DAPK1: variants seen among roughly 807,000 people sequenced by gnomAD.
The protein encoded by DAPK1 is death-associated protein kinase 1.
A neutral mutation model predicts 144.9 loss-of-function variants in DAPK1; 56 were observed. That is an observed-to-expected ratio of 0.39 (90% confidence interval 0.31 to 0.48). DAPK1 has a LOEUF of 0.48. DAPK1 is among the 20% of genes least tolerant of loss of function. DAPK1 has a pLI of 0.95. For missense variants in DAPK1, 1,454 were observed against 1,875.4 expected (o/e 0.78, Z 4.15); for synonymous variants, 690 against 749.0 (o/e 0.92, Z 1.29).
At chr9:87,646,157 A>G (rs1429660570) in intron 12 of DAPK1, 143 bp downstream of exon 12, 62 of 1,048,400 alleles carry the variant, frequency 5.9e-5, no homozygotes, top group Non-Finnish European at 8.0e-5. Flanking sequence ...TTCTGTTTAG[A>G]AAGTGATTTG....
At chr9:87,545,954 C>T (rs1411230328) in intron 2 of DAPK1, among the ~76,000 whole-genome samples, 13 of 152,104 alleles carry the variant, frequency 8.5e-5, no homozygotes. Context: ...GTTGCATCCT[C>T]AGAAAGTGTA....
intron 3 of DAPK1, among the ~76,000 whole-genome samples, chr9:87,612,555 C>T (rs62576183): frequency 1.3e-5 from 2 of 152,190 alleles, no homozygotes; most frequent in Non-Finnish European, 2.9e-5. Context: ...TAAACCACCC[C>T]ATGTGTGGTC....
In DAPK1 at chr9:87,646,020, G is replaced by A. The variant is rs1407189486; in HGVS notation, c.1131+6G>A. On this transcript the variant is annotated splice_donor_region_variant and intron_variant, in intron 12 of 25. Transcript: ENST00000408954. ...ATGTTAACCAACCCAACAAGGTCTG[G>A]TTCTGTTCTGCCGCATACTGGAGGG... is the stretch of plus-strand genomic sequence containing the variant. The A allele has an allele frequency of 6.2e-7, 1 of 1,613,308 alleles. No homozygotes were observed. Among genetic ancestry groups the A allele is most frequent in the Admixed American group, 1.7e-5 (1 of 59,978 alleles).
intron 2 of DAPK1, among the ~76,000 whole-genome samples, chr9:87,598,561 A>G (rs1292217706): frequency 2.6e-5 from 4 of 152,152 alleles, no homozygotes; most frequent in Admixed American, 1.3e-4. Flanking sequence ...AGCAATGAAA[A>G]GGTTAGACCC....
At position 87,633,288 on chromosome 9, in the gene DAPK1, G is replaced by A. The variant is rs532432066; in HGVS notation, c.285-4655G>A. On this transcript the variant is annotated intron_variant, in intron 3 of 25. Transcript: ENST00000408954. ...GAAATGTAGGGATGAAGGGGGATGG[G>A]TATGTAGGGATGAAAGGGGATGTGT... 1.8e-5 allele frequency: 18 copies of A among 984,492 alleles called. No individual in the cohort carries two copies. In the African/African-American group the frequency reaches 3.1e-4, roughly 17 times the overall value. 61.0% of individuals were successfully genotyped at this position (984,492 alleles called of 1,614,324 possible). A position where few individuals can be genotyped will look rare whatever the true frequency, so the allele number is the denominator to read the frequency against.
intron 3 of DAPK1, among the ~76,000 whole-genome samples, chr9:87,631,687 G>A (rs1829696390): frequency 6.6e-6 from 1 of 152,152 alleles, no homozygotes; most frequent in Admixed American, 6.6e-5. Context: ...AAAAGTGCAA[G>A]GTTTTTTTAT....
At chr9:87,555,885 A>G (rs752580057) in intron 2 of DAPK1, among the ~76,000 whole-genome samples, 7 of 152,270 alleles carry the variant, frequency 4.6e-5, no homozygotes, top group Admixed American at 2.6e-4. Flanking sequence ...ACTAAAAGCT[A>G]GGCGAGTTCC....
chr9:87,648,820 C>A lies in DAPK1; in HGVS notation c.1369C>A (p.His457Asn). The A allele has an allele frequency of 6.2e-7, 1 of 1,614,246 alleles. No individual in the cohort carries two copies. The highest frequency in any genetic ancestry group is 1.1e-5 in the South Asian group (1 of 91,090). Residue 457 changes from histidine to asparagine, a missense_variant, in exon 15 of 26, where the codon CAT (histidine) becomes AAT (asparagine). Transcript: ENST00000408954. ...MALHVAARYG[H>N]ADVAQLLCSF... Reference sequence around the variant, plus strand: ...CCTCCACGTGGCAGCTCGCTATGGCCATGCTGACGTGGCTCAGTTACTGTG... The same window carrying A: ...CCTCCACGTGGCAGCTCGCTATGGCAATGCTGACGTGGCTCAGTTACTGTG...
chr9:87,653,834 C>T (rs1289119956), intron 17 of DAPK1, among the ~76,000 whole-genome samples: 1 of 152,082 alleles, frequency 6.6e-6, no homozygotes, highest in Non-Finnish European at 1.5e-5. Flanking sequence ...GCTGGGATTA[C>T]AGGCTCATGC....
intron 2 of DAPK1, among the ~76,000 whole-genome samples, chr9:87,588,623 T>A (rs1828017601): frequency 1.3e-5 from 2 of 152,154 alleles, no homozygotes; most frequent in African/African-American, 4.8e-5. Context: ...TCCTCTCAGA[T>A]TGTAGATACT....
At chr9:87,635,842 C>G (rs1268357679) in intron 3 of DAPK1, among the ~76,000 whole-genome samples, 1 of 152,174 alleles carries the variant, frequency 6.6e-6, no homozygotes, top group East Asian at 1.9e-4. Context: ...AGGCACTTGA[C>G]TTCTCCACAT....
chr9:87,600,554 C>T (rs1828479543), intron 2 of DAPK1, among the ~76,000 whole-genome samples: 1 of 152,076 alleles, frequency 6.6e-6, no homozygotes, highest in South Asian at 2.1e-4. Flanking sequence ...GATTGCATCA[C>T]CACACTACAG....
At chr9:87,558,130 ACAGTCCTGTCATCTTGC>A (rs1325146380) in intron 2 of DAPK1, among the ~76,000 whole-genome samples, 12 of 152,100 alleles carry the variant, frequency 7.9e-5, no homozygotes. Context: ...TTAGCTTGTC[ACAGTCCTGTCATCTTGC>A]CAGCCCCTTG....
Position 87,686,579 on chromosome 9 carries a change from A to C in DAPK1, c.2253A>C (p.Pro751=). ...CAGTGAGCATCAACAACCTGTACCC[A>C]GGCTGCGAGAACGTGAGTGTGAGGA... ...TVSVSINNLY[P]GCENVSVRSR... Residue 751 remains proline, a synonymous_variant, in exon 21 of 26, where the codon CCA becomes CCC. Coordinates refer to ENST00000408954, the MANE Select transcript of DAPK1 (RefSeq NM_004938.4). This position sits in a 1 kb window ranked among gnomAD's most constrained non-coding sequence, Gnocchi z 4.2. The C allele has an allele frequency of 6.3e-7, 1 of 1,582,960 alleles. No individual in the cohort carries two copies. The highest frequency in any genetic ancestry group is 8.6e-7 in the Non-Finnish European group (1 of 1,163,054).
intron 18 of DAPK1, among the ~76,000 whole-genome samples, chr9:87,660,785 C>T (rs905924129): frequency 6.6e-6 from 1 of 152,182 alleles, no homozygotes; most frequent in Non-Finnish European, 1.5e-5. Context: ...CCTCCATTTC[C>T]ATCCATGTTG....
intron 2 of DAPK1, among the ~76,000 whole-genome samples, chr9:87,519,236 G>A (rs1032447392): frequency 4.6e-5 from 7 of 152,162 alleles, no homozygotes; most frequent in East Asian, 3.9e-4. Flanking sequence ...GGCACCTCCC[G>A]CATGCACCAT....
intron 2 of DAPK1, among the ~76,000 whole-genome samples, chr9:87,561,952 C>T (rs114954065): frequency 0.017 from 2,577 of 152,204 alleles, 54 homozygotes; most frequent in African/African-American, 0.056. Flanking sequence ...TTTACTGGCC[C>T]CCTGAATGGG....
At chr9:87,583,479 G>C (rs1022456232) in intron 2 of DAPK1, among the ~76,000 whole-genome samples, 1 of 152,188 alleles carries the variant, frequency 6.6e-6, no homozygotes, top group African/African-American at 2.4e-5. Context: ...CAAGCAAGGG[G>C]AAATAATGAA....
chr9:87,707,604 T>A lies in DAPK1; in HGVS notation c.*240T>A. 1 of 555,428 alleles carries A rather than the reference T, an allele frequency of 1.8e-6. No individual in the cohort carries two copies. The highest frequency in any genetic ancestry group is 3.1e-5 in the East Asian group (1 of 32,386). 34.4% of individuals were successfully genotyped at this position (555,428 alleles called of 1,614,324 possible). A position where few individuals can be genotyped will look rare whatever the true frequency, so the allele number is the denominator to read the frequency against. On this transcript the variant is annotated 3_prime_UTR_variant, in exon 26 of 26. Transcript: ENST00000408954. The surrounding 1 kb of genome is among the most constrained non-coding windows in gnomAD (Gnocchi z 4.0). The stretch of plus-strand genomic sequence containing the variant: ...GAACAGATCTTTTACTTTGGCCGCT[T>A]GAAAAGCTAGTGTACCTCCTCTCAG...
Sources: gnomAD v4.1 joint callset for allele counts (sites outside exome capture counted in the v4.1 genomes callset) on GRCh38, gnomAD v4.1.1 for gene constraint, Gnocchi (gnomAD v3.1) non-coding constraint, MANE v1.5 for transcripts, NCBI Gene and HGNC (gene_info 2026-07-23, HGNC 2026-07-21) for gene names.